The following PAPOLG variants were observed in gnomAD, a reference collection of about 807,000 sequenced individuals.
The protein encoded by PAPOLG is poly(A) polymerase gamma.
A neutral mutation model predicts 99.0 loss-of-function variants in PAPOLG; 40 were observed. The observed-to-expected ratio is 0.40, with a 90% CI of 0.31 to 0.53. PAPOLG has a LOEUF of 0.53. Ranked by LOEUF, PAPOLG falls within the 20% of genes least tolerant of loss-of-function variation. The pLI, the probability that PAPOLG is intolerant of heterozygous loss-of-function variation, is 0.41. For synonymous variants in PAPOLG, 310 were observed against 299.3 expected, an observed-to-expected ratio of 1.04 and a Z score of -0.37; for missense variants, 675 against 884.1, an observed-to-expected ratio of 0.76 and a Z score of 3.00.
At chr2:60,783,324 C>CTCT in intron 13 of PAPOLG, 115 bp downstream of exon 13, 1 of 157,946 alleles carries the variant, frequency 6.3e-6, no homozygotes, top group Non-Finnish European at 1.1e-5. Context: ...TATTATATCT[C>CTCT]TTTTTTTTTT....
intron 14 of PAPOLG, 142 bp downstream of exon 14, chr2:60,787,208 G>C (rs1671388997): frequency 3.6e-6 from 3 of 836,782 alleles, no homozygotes; most frequent in Non-Finnish European, 5.3e-6. Context: ...GAGTGTCTAG[G>C]CATTAAAAAT....
chr2:60,792,377 C>T (rs1671566372), intron 17 of PAPOLG, 88 bp downstream of exon 17: 1 of 1,208,158 alleles, frequency 8.3e-7, no homozygotes, highest in Non-Finnish European at 1.2e-6. Flanking sequence ...CTGCTACTGC[C>T]TTTTAAAATT....
intron 3 of PAPOLG, among the ~76,000 whole-genome samples, chr2:60,766,464 G>A (rs1246160627): frequency 6.6e-6 from 1 of 152,052 alleles, no homozygotes; most frequent in Non-Finnish European, 1.5e-5. Context: ...AGGAACTTGA[G>A]ACCAGCCTGG....
intron 8 of PAPOLG, among the ~76,000 whole-genome samples, chr2:60,776,488 C>T (rs1185031): frequency 3.8e-5 from 5 of 132,856 alleles, no homozygotes; most frequent in South Asian, 2.4e-4. Context: ...AGTGCAGTGG[C>T]GCGATCTCAG....
chr2:60,789,400 T>G (rs1671464316), intron 15 of PAPOLG, among the ~76,000 whole-genome samples: 1 of 151,858 alleles, frequency 6.6e-6, no homozygotes, highest in Non-Finnish European at 1.5e-5. Context: ...TTTTATGGGT[T>G]TTTTGTTTGT....
chr2:60,774,531 A>G (rs1192168187), intron 7 of PAPOLG, among the ~76,000 whole-genome samples: 1 of 152,048 alleles, frequency 6.6e-6, no homozygotes, highest in Non-Finnish European at 1.5e-5. Flanking sequence ...ACACCTGGCT[A>G]ATTTTTGTAT....
At chr2:60,779,323 T>C (rs1558698267) in intron 8 of PAPOLG, among the ~76,000 whole-genome samples, 1 of 152,182 alleles carries the variant, frequency 6.6e-6, no homozygotes, top group Non-Finnish European at 1.5e-5. Context: ...GGAATTTCAA[T>C]GTAGTATCAG....
At position 60,760,231 on chromosome 2, in the gene PAPOLG, C is replaced by G. The variant is rs745409805; in HGVS notation, c.115C>G (p.Gln39Glu). ...TAAAGAAATTGATCATATTTACACA[C>G]AGAAATTAATTGACGCCATGAAACC... The part of the protein sequence containing the change: ...SPKEIDHIYT[Q>E]KLIDAMKPFG... The change falls in exon 2 of 22, where the codon CAG (glutamine) becomes GAG (glutamate). Residue 39 changes from glutamine (Q) to glutamate (E), a missense_variant. Physicochemically the swap from Gln to Glu is conservative, Grantham distance 29 (BLOSUM62 2). Transcript: ENST00000238714. The G allele has an allele frequency of 8.1e-6, 13 of 1,613,962 alleles. No homozygotes were observed. In the South Asian group the frequency reaches 1.4e-4, roughly 18 times the overall value.
chr2:60,759,425 G>C (rs1465994851), intron 1 of PAPOLG, among the ~76,000 whole-genome samples: 1 of 152,058 alleles, frequency 6.6e-6, no homozygotes, highest in African/African-American at 2.4e-5. Context: ...CAAGACCGTA[G>C]TTTCTTGATG....
rs183093202 is a variant in PAPOLG at position 60,775,882 on chromosome 2, G to C, written c.694+759G>C. Among the ~76,000 whole-genome samples the C allele has an allele frequency of 4.2e-3, 633 of 152,012 alleles. 8 individuals are homozygous for C. The highest frequency in any genetic ancestry group is 8.1e-3 in the Admixed American group (124 of 15,264). ...GGGTTCAAGTGATTCTCCTGCCTCAGCCTACCAAGTAGCTGGGATTATAGG... is the reference window on the plus strand; with the variant it reads ...GGGTTCAAGTGATTCTCCTGCCTCACCCTACCAAGTAGCTGGGATTATAGG... On this transcript the variant is annotated intron_variant, in intron 8 of 21. Coordinates refer to ENST00000238714, the MANE Select transcript of PAPOLG (RefSeq NM_022894.4).
At chr2:60,759,274 A>G (rs1670450668) in intron 1 of PAPOLG, among the ~76,000 whole-genome samples, 1 of 152,030 alleles carries the variant, frequency 6.6e-6, no homozygotes, top group African/African-American at 2.4e-5. Flanking sequence ...AGGCTGAGGT[A>G]GGAGAATTGC....
chr2:60,793,154 A>G (rs1006308556), intron 17 of PAPOLG, among the ~76,000 whole-genome samples: 2 of 141,900 alleles, frequency 1.4e-5, no homozygotes, highest in African/African-American at 5.3e-5. Context: ...GCAGTGATCC[A>G]TGTGTTCATG....
rs143779923 is a variant in PAPOLG at position 60,790,235 on chromosome 2, C to T, written c.1397-1526C>T. ...ATAATCAATCTGGAATAAAAACATT[C>T]GCCATAAATTTTTCCATTCTAATTA... On this transcript the variant is annotated intron_variant, in intron 15 of 21. Coordinates refer to ENST00000238714, the MANE Select transcript of PAPOLG (RefSeq NM_022894.4). Among the ~76,000 whole-genome samples the T allele has an allele frequency of 2.3e-4, 35 of 152,262 alleles. No homozygotes were observed. In the East Asian group the frequency reaches 6.4e-3, roughly 28 times the overall value.
intron 5 of PAPOLG, among the ~76,000 whole-genome samples, chr2:60,769,095 T>G (rs1670771567): frequency 6.6e-6 from 1 of 152,216 alleles, no homozygotes; most frequent in East Asian, 1.9e-4. Context: ...TAGAATCTAC[T>G]ACATAATAGC....
chr2:60,792,394 A>C lies in PAPOLG; in HGVS notation c.1679+105A>C, dbSNP rs543477783. 118 of 1,095,528 alleles carry C rather than the reference A, an allele frequency of 1.1e-4. No homozygotes were observed. In the African/African-American group the frequency reaches 1.8e-3, roughly 17 times the overall value. The allele number at this position is 1,095,528 out of a possible 1,614,324, so 67.9% of individuals were successfully genotyped here. ...GCTACTGCCTTTTAAAATTGTTAAA[A>C]GATTTCATTTTACTGGCTGCTGGTC... On this transcript the variant is annotated intron_variant, in intron 17 of 21. Transcript: ENST00000238714.
intron 4 of PAPOLG, 100 bp downstream of exon 4, chr2:60,768,651 A>C: frequency 7.6e-7 from 1 of 1,322,332 alleles, no homozygotes; most frequent in Non-Finnish European, 1.1e-6. Context: ...TTCACTACTT[A>C]GAGCTAATCA....
At chr2:60,773,214 C>T (rs536274849) in intron 7 of PAPOLG, among the ~76,000 whole-genome samples, 51 of 152,306 alleles carry the variant, frequency 3.3e-4, no homozygotes, top group Non-Finnish European at 5.7e-4. Flanking sequence ...CATGAGCCAC[C>T]GTGCCCGGAC....
At chr2:60,766,521 C>G (rs13398041) in intron 3 of PAPOLG, among the ~76,000 whole-genome samples, 30,051 of 151,712 alleles carry the variant, frequency 0.2, 3,188 homozygotes, top group Middle Eastern at 0.24. Context: ...TAAAAATTAC[C>G]CAGGCACAGT....
intron 15 of PAPOLG, among the ~76,000 whole-genome samples, chr2:60,790,469 A>T (rs943396776): frequency 6.6e-6 from 1 of 152,192 alleles, no homozygotes; most frequent in Non-Finnish European, 1.5e-5. Flanking sequence ...AAACATTAAG[A>T]AATTTGTGTG....
Sources: gnomAD v4.1 joint callset for allele counts (sites outside exome capture counted in the v4.1 genomes callset) on GRCh38, gnomAD v4.1.1 for gene constraint, MANE v1.5 for transcripts, NCBI Gene and HGNC (gene_info 2026-07-23, HGNC 2026-07-21) for gene names.